XYLT1: variants seen among roughly 807,000 people sequenced by gnomAD.
XYLT1 encodes the protein beta-D-xylosyltransferase 1.
Under a neutral mutation model 91.3 loss-of-function variants are expected in XYLT1, and 36 were observed. That is an observed-to-expected ratio of 0.39 (90% CI 0.30 to 0.52). XYLT1 has a LOEUF of 0.52. XYLT1 is among the 20% of genes least tolerant of loss of function. The pLI is 0.68. For missense variants in XYLT1, 1,242 were observed against 1,284.5 expected (o/e 0.97, Z 0.51); for synonymous variants, 588 against 532.0 (o/e 1.11, Z -1.45).
chr16:17,167,306 G>A (rs1016990079), intron 5 of XYLT1, among the ~76,000 whole-genome samples: 9 of 152,242 alleles, frequency 5.9e-5, no homozygotes, highest in African/African-American at 1.2e-4. Context: ...AGTGCGAGTC[G>A]CACAACAGGA....
intron 2 of XYLT1, among the ~76,000 whole-genome samples, chr16:17,266,062 G>A (rs1197077264): frequency 1.3e-5 from 2 of 152,120 alleles, no homozygotes; most frequent in East Asian, 3.9e-4. Flanking sequence ...TGGACCTTAA[G>A]AGACCAGGAA....
At chr16:17,117,272 CAT>C (rs936800970) in intron 11 of XYLT1, among the ~76,000 whole-genome samples, 98 of 152,232 alleles carry the variant, frequency 6.4e-4, no homozygotes, top group Middle Eastern at 3.4e-3. Context: ...CCTAGTGTAT[CAT>C]ATTTTTGATG....
chr16:17,185,772 G>T (rs913575793), intron 5 of XYLT1, among the ~76,000 whole-genome samples: 2 of 152,122 alleles, frequency 1.3e-5, no homozygotes, highest in South Asian at 2.1e-4. Context: ...AGGCTGAGGT[G>T]CGCAGATCAC....
chr16:17,151,412 T>C (rs1320660698), intron 6 of XYLT1, among the ~76,000 whole-genome samples: 1 of 152,148 alleles, frequency 6.6e-6, no homozygotes, highest in East Asian at 1.9e-4. Context: ...AGCGAGACTC[T>C]GTCTCAAAAA....
chr16:17,197,956 G>A, intron 5 of XYLT1: 1 of 550,060 alleles, frequency 1.8e-6, no homozygotes. Flanking sequence ...CTCCACGCGG[G>A]TTGGAGTTTC....
intron 1 of XYLT1, among the ~76,000 whole-genome samples, chr16:17,380,724 T>C (rs564472551): frequency 7.3e-4 from 111 of 152,348 alleles, no homozygotes; most frequent in African/African-American, 2.6e-3. Context: ...TTACTCACAG[T>C]AGCTAAAAGG....
At chr16:17,287,370 C>T (rs1049002677) in intron 2 of XYLT1, among the ~76,000 whole-genome samples, 1 of 152,162 alleles carries the variant, frequency 6.6e-6, no homozygotes, top group Non-Finnish European at 1.5e-5. Flanking sequence ...AGATCATACT[C>T]CTCCCACCTC....
intron 1 of XYLT1, among the ~76,000 whole-genome samples, chr16:17,370,119 T>A (rs1017519743): frequency 6.6e-6 from 1 of 152,136 alleles, no homozygotes; most frequent in Non-Finnish European, 1.5e-5. Flanking sequence ...TTTTATACAA[T>A]GAGCTCCTTT....
chr16:17,390,288 C>G (rs558397541), intron 1 of XYLT1, among the ~76,000 whole-genome samples: 1 of 152,128 alleles, frequency 6.6e-6, no homozygotes, highest in East Asian at 1.9e-4. Context: ...GCTGTATGTA[C>G]GTGAATAAGC....
intron 2 of XYLT1, among the ~76,000 whole-genome samples, chr16:17,285,718 T>C (rs1180830928): frequency 6.6e-6 from 1 of 152,210 alleles, no homozygotes; most frequent in Non-Finnish European, 1.5e-5. Context: ...CCTCCTCCTC[T>C]ATGCCTACAG....
intron 1 of XYLT1, among the ~76,000 whole-genome samples, chr16:17,378,731 G>A (rs537533839): frequency 4.6e-5 from 7 of 152,318 alleles, no homozygotes; most frequent in South Asian, 4.1e-4. Context: ...CAGGAAAACT[G>A]AGACTGAGGC....
At chr16:17,125,373 C>T (rs1223602274) in intron 10 of XYLT1, among the ~76,000 whole-genome samples, 1 of 152,198 alleles carries the variant, frequency 6.6e-6, no homozygotes, top group East Asian at 1.9e-4. Flanking sequence ...CTCTATCTTT[C>T]CATTGCATTT....
chr16:17,444,594 G>A (rs761373506), intron 1 of XYLT1, among the ~76,000 whole-genome samples: 19 of 150,672 alleles, frequency 1.3e-4, no homozygotes, highest in African/African-American at 2.5e-4. Context: ...TGATCCTCCC[G>A]CCTTGGCCTC....
At chr16:17,141,888 C>T (rs369031812) in intron 6 of XYLT1, among the ~76,000 whole-genome samples, 10 of 152,152 alleles carry the variant, frequency 6.6e-5, no homozygotes. Flanking sequence ...ACATTATATA[C>T]AGGATTACAA....
intron 1 of XYLT1, among the ~76,000 whole-genome samples, chr16:17,434,057 G>A (rs1389362601): frequency 6.6e-6 from 1 of 152,150 alleles, no homozygotes; most frequent in African/African-American, 2.4e-5. Context: ...CCTTAATAGA[G>A]TATTGCATAA....
chr16:17,368,627 C>T (rs2035486348), intron 1 of XYLT1, among the ~76,000 whole-genome samples: 1 of 150,626 alleles, frequency 6.6e-6, no homozygotes, highest in Non-Finnish European at 1.5e-5. Context: ...CTCTGCTGCC[C>T]AGATTGGAGT....
chr16:17,134,717 A>T lies in XYLT1; in HGVS notation c.1783T>A (p.Phe595Ile). The change falls in exon 9 of 12, where the codon TTC becomes ATC. Residue 595 changes from phenylalanine to isoleucine, a missense_variant. Transcript: ENST00000261381. ...HRFQQTARPTFFARKFEAVVN... is the reference protein window; with the variant it reads ...HRFQQTARPTIFARKFEAVVN... ...ACGGCTTCAAACTTGCGGGCAAAGAAGGTAGGCCGGGCTGTCTGCTGTACT... is the reference window on the plus strand; with the variant it reads ...ACGGCTTCAAACTTGCGGGCAAAGATGGTAGGCCGGGCTGTCTGCTGTACT... 1 of 1,614,188 alleles carries T rather than the reference A, an allele frequency of 6.2e-7. No homozygotes were observed. The highest frequency in any genetic ancestry group is 8.5e-7 in the Non-Finnish European group (1 of 1,180,026).
At chr16:17,429,809 T>C (rs916545992) in intron 1 of XYLT1, among the ~76,000 whole-genome samples, 1 of 152,140 alleles carries the variant, frequency 6.6e-6, no homozygotes, top group Non-Finnish European at 1.5e-5. Context: ...TTGGCTCCCT[T>C]GATTCTCAGA....
intron 3 of XYLT1, among the ~76,000 whole-genome samples, chr16:17,204,966 CA>C (rs530525798): frequency 0.021 from 1,684 of 81,074 alleles, 8 homozygotes; most frequent in East Asian, 0.072. Context: ...TGCCCAGCTC[CA>C]AAAAAAAAAA....
Sources: gnomAD v4.1 joint callset for allele counts (sites outside exome capture counted in the v4.1 genomes callset) on GRCh38, gnomAD v4.1.1 for gene constraint, MANE v1.5 for transcripts, NCBI Gene and HGNC (gene_info 2026-07-23, HGNC 2026-07-21) for gene names.